WDR7: variants seen among roughly 807,000 people sequenced by gnomAD.
The protein encoded by WDR7 is WD repeat domain 7.
A neutral mutation model predicts 169.4 loss-of-function variants in WDR7; 46 were observed. That is an observed-to-expected ratio of 0.27 (90% CI 0.21 to 0.35). The LOEUF is 0.35. Among genes scored for constraint, WDR7 ranks in the 10% least tolerant of loss-of-function variants. The pLI is 1.00. For synonymous variants in WDR7, 612 were observed against 666.8 expected (o/e 0.92, Z 1.27); for missense variants, 1,534 against 1,859.3 (o/e 0.83, Z 3.22).
intron 20 of WDR7, among the ~76,000 whole-genome samples, chr18:56,874,398 G>A (rs560677859): frequency 4.0e-5 from 6 of 151,892 alleles, no homozygotes; most frequent in African/African-American, 1.4e-4. Context: ...ACTTTTTACT[G>A]ACATTTCCTC....
intron 5 of WDR7, among the ~76,000 whole-genome samples, chr18:56,685,374 C>T (rs949078379): frequency 4.6e-5 from 7 of 152,124 alleles, no homozygotes; most frequent in African/African-American, 4.8e-5. Context: ...TTAACATTCC[C>T]CTCCTTCACT....
intron 20 of WDR7, among the ~76,000 whole-genome samples, chr18:56,830,189 T>C (rs1398707341): frequency 6.6e-6 from 1 of 152,178 alleles, no homozygotes. Flanking sequence ...TTGCGTTGAT[T>C]TTGTTGCCCT....
At chr18:56,969,799 A>G (rs2047458122) in intron 26 of WDR7, among the ~76,000 whole-genome samples, 1 of 152,182 alleles carries the variant, frequency 6.6e-6, no homozygotes, top group African/African-American at 2.4e-5. Context: ...GCTCAAAATA[A>G]TTATCTTATT....
At chr18:56,746,502 G>A (rs1042642287) in intron 14 of WDR7, among the ~76,000 whole-genome samples, 6 of 152,156 alleles carry the variant, frequency 3.9e-5, no homozygotes, top group Admixed American at 6.5e-5. Flanking sequence ...ATTTCAGTAA[G>A]TGTAGTACTT....
chr18:56,857,982 CTCT>C (rs2145397455), intron 20 of WDR7, among the ~76,000 whole-genome samples: 1 of 152,208 alleles, frequency 6.6e-6, no homozygotes, highest in South Asian at 2.1e-4. Context: ...GTCCCCTCCT[CTCT>C]TCTTTTCCTT....
At chr18:56,718,258 A>G in intron 13 of WDR7, 99 bp downstream of exon 13, 1 of 1,262,232 alleles carries the variant, frequency 7.9e-7, no homozygotes, top group Non-Finnish European at 1.1e-6. Flanking sequence ...AAGGCTTGAA[A>G]TGTAAAATAG....
intron 20 of WDR7, among the ~76,000 whole-genome samples, chr18:56,856,456 C>CT (rs2045723012): frequency 6.6e-6 from 1 of 152,118 alleles, no homozygotes; most frequent in Non-Finnish European, 1.5e-5. Context: ...ATTGCTTGAA[C>CT]TGGGGAAGTG....
At chr18:56,747,074 T>A (rs978215525) in intron 14 of WDR7, among the ~76,000 whole-genome samples, 4 of 152,226 alleles carry the variant, frequency 2.6e-5, no homozygotes, top group African/African-American at 9.7e-5. Flanking sequence ...AACCCAGGAT[T>A]TGAAGGTTCA....
At chr18:56,675,337 C>T (rs2025221139) in intron 2 of WDR7, among the ~76,000 whole-genome samples, 1 of 151,742 alleles carries the variant, frequency 6.6e-6, no homozygotes, top group Non-Finnish European at 1.5e-5. Flanking sequence ...AATTTTCTGA[C>T]CCATGAACAT....
At chr18:56,840,853 A>C (rs1225472908) in intron 20 of WDR7, among the ~76,000 whole-genome samples, 1 of 151,838 alleles carries the variant, frequency 6.6e-6, no homozygotes, top group Non-Finnish European at 1.5e-5. Context: ...CATTTCCCAC[A>C]TTTCTACAAT....
chr18:56,830,178 G>A (rs2045283782), intron 20 of WDR7, among the ~76,000 whole-genome samples: 1 of 152,154 alleles, frequency 6.6e-6, no homozygotes, highest in Admixed American at 6.5e-5. Context: ...CAGTGTTTCA[G>A]TTGCGTTGAT....
At chr18:56,873,072 T>C (rs537464984) in intron 20 of WDR7, among the ~76,000 whole-genome samples, 2 of 152,226 alleles carry the variant, frequency 1.3e-5, no homozygotes, top group South Asian at 4.1e-4. Flanking sequence ...CTCTCCCTTA[T>C]AGAAACACTA....
chr18:56,918,197 C>A (rs2046654904), intron 21 of WDR7, among the ~76,000 whole-genome samples: 1 of 152,150 alleles, frequency 6.6e-6, no homozygotes, highest in Non-Finnish European at 1.5e-5. Flanking sequence ...TACTGCTCAC[C>A]TAGCTTATAG....
At chr18:56,900,080 G>GTATA (rs772841290) in intron 21 of WDR7, among the ~76,000 whole-genome samples, 261 of 30,228 alleles carry the variant, frequency 8.6e-3, no homozygotes, top group African/African-American at 0.014. Context: ...GTGTGTGTGT[G>GTATA]TGTATATATA....
chr18:56,807,324 TTTTC>T (rs1215611356), intron 19 of WDR7, among the ~76,000 whole-genome samples: 1 of 152,168 alleles, frequency 6.6e-6, no homozygotes, highest in African/African-American at 2.4e-5. Context: ...CAAAACGGTT[TTTTC>T]TTTGTTTCAT....
chr18:56,845,082 T>G (rs989666748), intron 20 of WDR7, among the ~76,000 whole-genome samples: 1 of 152,154 alleles, frequency 6.6e-6, no homozygotes, highest in Non-Finnish European at 1.5e-5. Flanking sequence ...TTGGAATATA[T>G]CTCCTATGGA....
intron 24 of WDR7, among the ~76,000 whole-genome samples, chr18:56,939,083 A>C (rs2046999773): frequency 6.6e-6 from 1 of 152,136 alleles, no homozygotes; most frequent in Non-Finnish European, 1.5e-5. Context: ...AAACTAAACA[A>C]GTCTGTTGTC....
At chr18:56,822,721 G>C (rs1568215337) in intron 20 of WDR7, among the ~76,000 whole-genome samples, 1 of 152,096 alleles carries the variant, frequency 6.6e-6, no homozygotes, top group Admixed American at 6.5e-5. Context: ...CCTTGCTTTT[G>C]ACTTCAGAAT....
chr18:56,925,745 C>T (rs768017910), intron 22 of WDR7, among the ~76,000 whole-genome samples: 21 of 152,136 alleles, frequency 1.4e-4, no homozygotes, highest in Non-Finnish European at 2.8e-4. Flanking sequence ...GCATTGCCAG[C>T]GTAAAGTCCC....
Sources: gnomAD v4.1 joint callset for allele counts (sites outside exome capture counted in the v4.1 genomes callset) on GRCh38, gnomAD v4.1.1 for gene constraint, MANE v1.5 for transcripts, NCBI Gene and HGNC (gene_info 2026-07-23, HGNC 2026-07-21) for gene names.